The following SDCCAG8 variants were observed in gnomAD, a reference collection of about 807,000 sequenced individuals.
SDCCAG8 encodes the protein SHH signaling and ciliogenesis regulator SDCCAG8, also known as serologically defined colon cancer antigen 8.
SDCCAG8 carries 74 observed loss-of-function variants against 101.8 expected under a neutral mutation model. That is an observed-to-expected ratio of 0.73 (90% CI 0.60 to 0.88). The LOEUF (loss-of-function observed/expected upper bound fraction) is 0.88. Among genes scored for constraint, SDCCAG8 ranks in the 40% least tolerant of loss-of-function variants. The pLI is 0.00. For missense variants in SDCCAG8, 787 were observed against 822.6 expected (o/e 0.96, Z 0.53); for synonymous variants, 281 against 292.9 (o/e 0.96, Z 0.41).
intron 8 of SDCCAG8, among the ~76,000 whole-genome samples, chr1:243,310,061 A>T (rs887241557): frequency 6.6e-6 from 1 of 151,920 alleles, no homozygotes; most frequent in Admixed American, 6.6e-5. Flanking sequence ...ACGGGGTTTC[A>T]CCATGTTGGC....
chr1:243,488,955 T>A (rs1196575051), intron 16 of SDCCAG8, 59 bp from the exon 17 acceptor site: 3 of 1,611,826 alleles, frequency 1.9e-6, no homozygotes, highest in Non-Finnish European at 2.5e-6. Flanking sequence ...ACACAGCCCC[T>A]GGGCCTGTTG....
intron 9 of SDCCAG8, among the ~76,000 whole-genome samples, chr1:243,324,731 A>C (rs956020712): frequency 4.6e-5 from 7 of 152,142 alleles, no homozygotes; most frequent in African/African-American, 1.7e-4. Flanking sequence ...CAGTGCTCTC[A>C]TAACATTTAT....
At chr1:243,386,570 G>A (rs988957377) in intron 13 of SDCCAG8, among the ~76,000 whole-genome samples, 1 of 151,944 alleles carries the variant, frequency 6.6e-6, no homozygotes, top group Non-Finnish European at 1.5e-5. Context: ...TGGCTAACAT[G>A]GTAAAAACCC....
At chr1:243,499,713 A>G in intron 17 of SDCCAG8, 43 bp from the exon 18 acceptor site, 1 of 1,469,924 alleles carries the variant, frequency 6.8e-7, no homozygotes, top group Non-Finnish European at 9.5e-7. Flanking sequence ...ATAACATTGA[A>G]GAACATGAGC....
chr1:243,410,780 G>A (rs970881327), intron 13 of SDCCAG8, among the ~76,000 whole-genome samples: 2 of 152,106 alleles, frequency 1.3e-5, no homozygotes, highest in African/African-American at 4.8e-5. Context: ...AATAATAAAC[G>A]ATATGAAAAA....
chr1:243,307,803 G>T lies in SDCCAG8; in HGVS notation c.741-186G>T, dbSNP rs1000616977. 40 of 1,451,286 alleles carry T rather than the reference G, an allele frequency of 2.8e-5. No individual in the cohort carries two copies. In the South Asian group the frequency reaches 5.8e-4, roughly 21 times the overall value. 89.9% of individuals were successfully genotyped at this position (1,451,286 alleles called of 1,614,324 possible). On this transcript the variant is annotated intron_variant, in intron 7 of 17. Coordinates refer to ENST00000366541, the MANE Select transcript of SDCCAG8 (RefSeq NM_006642.5). ...TTATTCCAGTCTCATCATATTCAAC[G>T]TGTCAATTAGAATCACCACACCAAA...
chr1:243,354,125 C>G (rs1226684315), intron 12 of SDCCAG8, among the ~76,000 whole-genome samples: 1 of 152,218 alleles, frequency 6.6e-6, no homozygotes, highest in Non-Finnish European at 1.5e-5. Context: ...GCAAACCTCT[C>G]AGAGCCTCAG....
At chr1:243,301,718 C>G (rs1458692598) in intron 6 of SDCCAG8, among the ~76,000 whole-genome samples, 3 of 151,420 alleles carry the variant, frequency 2.0e-5, no homozygotes, top group Middle Eastern at 3.4e-3. Context: ...TACAGGATTT[C>G]TATAAGAAAA....
chr1:243,324,237 C>T (rs1406146393), intron 9 of SDCCAG8, among the ~76,000 whole-genome samples: 2 of 152,074 alleles, frequency 1.3e-5, no homozygotes, highest in African/African-American at 4.8e-5. Flanking sequence ...TTCTTTCTAC[C>T]ATTTTCTCTA....
chr1:243,265,540 T>C (rs983528557), intron 1 of SDCCAG8, among the ~76,000 whole-genome samples: 12 of 152,212 alleles, frequency 7.9e-5, no homozygotes, highest in Non-Finnish European at 8.8e-5. Flanking sequence ...AGGCCGGGCA[T>C]GGTGGCTCAC....
intron 11 of SDCCAG8, among the ~76,000 whole-genome samples, chr1:243,342,401 T>C (rs566567956): frequency 1.3e-5 from 2 of 152,354 alleles, no homozygotes; most frequent in Admixed American, 1.3e-4. Context: ...AATGTGTTAA[T>C]TTATTTGAAA....
chr1:243,497,523 C>T (rs541269168), intron 17 of SDCCAG8, among the ~76,000 whole-genome samples: 1 of 152,136 alleles, frequency 6.6e-6, no homozygotes, highest in South Asian at 2.1e-4. Context: ...TCTGTGTCAC[C>T]CCCATGCAGG....
chr1:243,307,925 A>G (rs2072321368), intron 7 of SDCCAG8, 64 bp from the exon 8 acceptor site: 3 of 1,603,946 alleles, frequency 1.9e-6, no homozygotes, highest in Non-Finnish European at 1.7e-6. Flanking sequence ...CATTATGATG[A>G]TTCATTTTAA....
chr1:243,353,181 C>T (rs1208214823), intron 12 of SDCCAG8, among the ~76,000 whole-genome samples: 1 of 151,844 alleles, frequency 6.6e-6, no homozygotes, highest in African/African-American at 2.4e-5. Context: ...AGATAACATC[C>T]TTGCAGGGTG....
chr1:243,489,767 C>CA (rs1423721354), intron 17 of SDCCAG8, among the ~76,000 whole-genome samples: 2 of 152,162 alleles, frequency 1.3e-5, no homozygotes, highest in Non-Finnish European at 2.9e-5. Context: ...TTACAGCTGG[C>CA]AAGTAGGGAC....
At chr1:243,364,786 T>C (rs2076903049) in intron 12 of SDCCAG8, among the ~76,000 whole-genome samples, 1 of 152,132 alleles carries the variant, frequency 6.6e-6, no homozygotes, top group Non-Finnish European at 1.5e-5. Flanking sequence ...CAAACAGTAA[T>C]ATTGACAAAA....
At chr1:243,455,151 G>A (rs1362879088) in intron 16 of SDCCAG8, among the ~76,000 whole-genome samples, 3 of 152,170 alleles carry the variant, frequency 2.0e-5, no homozygotes, top group African/African-American at 7.2e-5. Context: ...ATGAAGAAAT[G>A]AAAACTTTTG....
At chr1:243,290,021 A>G (rs2070065057) in intron 5 of SDCCAG8, among the ~76,000 whole-genome samples, 1 of 152,070 alleles carries the variant, frequency 6.6e-6, no homozygotes, top group Non-Finnish European at 1.5e-5. Flanking sequence ...TTCTCATAAA[A>G]TATTTCCTCA....
intron 12 of SDCCAG8, among the ~76,000 whole-genome samples, chr1:243,376,410 T>C (rs768368420): frequency 1.2e-4 from 18 of 152,180 alleles, no homozygotes; most frequent in Non-Finnish European, 2.4e-4. Flanking sequence ...TTGCGTTGGC[T>C]GTTAGACCCA....
Sources: gnomAD v4.1 joint callset for allele counts (sites outside exome capture counted in the v4.1 genomes callset) on GRCh38, gnomAD v4.1.1 for gene constraint, MANE v1.5 for transcripts, NCBI Gene and HGNC (gene_info 2026-07-23, HGNC 2026-07-21) for gene names.